Variants in GRM7 observed in about 807,000 individuals in gnomAD.
GRM7 encodes the protein metabotropic glutamate receptor 7.
In GRM7, 35 loss-of-function variants were observed where a neutral mutation model predicts 84.5. That is an observed-to-expected ratio of 0.41 (90% CI 0.32 to 0.55). The LOEUF is 0.55. Among genes scored for constraint, GRM7 ranks in the 20% least tolerant of loss-of-function variants. The pLI is 0.19. For missense variants in GRM7, 1,003 were observed against 1,194.6 expected (o/e 0.84, Z 2.36); for synonymous variants, 487 against 455.1 (o/e 1.07, Z -0.89).
At chr3:7,201,009 G>T (rs746644213) in intron 2 of GRM7, among the ~76,000 whole-genome samples, 4 of 119,006 alleles carry the variant, frequency 3.4e-5, no homozygotes, top group African/African-American at 1.4e-4. Flanking sequence ...TCACTCTGTC[G>T]CCCAGGCTGG....
intron 7 of GRM7, among the ~76,000 whole-genome samples, chr3:7,547,780 C>G (rs1040993440): frequency 6.6e-6 from 1 of 152,168 alleles, no homozygotes; most frequent in Non-Finnish European, 1.5e-5. Flanking sequence ...AGCAAAATAA[C>G]GAAAGCAAAG....
intron 7 of GRM7, among the ~76,000 whole-genome samples, chr3:7,516,428 T>G (rs1177938674): frequency 4.1e-5 from 5 of 120,730 alleles, no homozygotes; most frequent in South Asian, 2.5e-4. Flanking sequence ...AGTGAGCCGA[T>G]ATCGTGCCCC....
chr3:7,090,299 G>C (rs1036684148), intron 1 of GRM7, among the ~76,000 whole-genome samples: 35 of 152,300 alleles, frequency 2.3e-4, no homozygotes, highest in African/African-American at 7.9e-4. Context: ...AGAAAGATTA[G>C]TGTGAAAAAT....
chr3:7,077,144 C>T (rs1390296160), intron 1 of GRM7, among the ~76,000 whole-genome samples: 2 of 152,140 alleles, frequency 1.3e-5, no homozygotes, highest in African/African-American at 4.8e-5. Context: ...ATTAGTTCAT[C>T]CATTGTGGAA....
chr3:7,152,769 C>A (rs1694324147), intron 2 of GRM7, among the ~76,000 whole-genome samples: 2 of 152,144 alleles, frequency 1.3e-5, no homozygotes, highest in Non-Finnish European at 2.9e-5. Context: ...CATCTATTTC[C>A]ATTGATAAAT....
intron 4 of GRM7, among the ~76,000 whole-genome samples, chr3:7,385,762 T>C (rs1694763025): frequency 6.6e-6 from 1 of 152,184 alleles, no homozygotes; most frequent in Non-Finnish European, 1.5e-5. Context: ...TTGCAAGACA[T>C]GAATAAAGAC....
rs533682031 is a variant in GRM7, at chr3:6,978,372, T to A, written c.519+116465T>A. 6.6e-5 allele frequency among the ~76,000 whole-genome samples: 10 copies of A among 152,220 alleles called. 1 individual carries two copies. Among genetic ancestry groups the A allele is most frequent in the South Asian group, 2.1e-4 (1 of 4,820 alleles). On this transcript the variant is annotated intron_variant, in intron 1 of 9. Coordinates refer to ENST00000357716, the MANE Select transcript of GRM7 (RefSeq NM_000844.4). ...ATAAACTTCTAGCTTTTAGACCTAT[T>A]GGAGAACACATCTCTGTTGTCTTCA...
At chr3:7,651,658 A>AAC (rs1247267839) in intron 8 of GRM7, among the ~76,000 whole-genome samples, 1 of 152,196 alleles carries the variant, frequency 6.6e-6, no homozygotes, top group Non-Finnish European at 1.5e-5. Context: ...ACTAAATCTC[A>AAC]ACATTTGGTC....
intron 8 of GRM7, among the ~76,000 whole-genome samples, chr3:7,651,893 C>T (rs865978534): frequency 2.2e-4 from 33 of 152,182 alleles, no homozygotes; most frequent in South Asian, 1.4e-3. Context: ...CCAAGCCTAG[C>T]TGCACACATA....
At chr3:7,720,538 G>A (rs887083548) in intron 9 of GRM7, among the ~76,000 whole-genome samples, 3 of 152,134 alleles carry the variant, frequency 2.0e-5, no homozygotes, top group Non-Finnish European at 4.4e-5. Context: ...CTGCCTAAAA[G>A]GGGGCTCCTC....
intron 4 of GRM7, among the ~76,000 whole-genome samples, chr3:7,362,908 G>T (rs888013429): frequency 1.6e-4 from 24 of 152,072 alleles, no homozygotes; most frequent in Middle Eastern, 3.2e-3. Context: ...TGGAAGGATT[G>T]CTTGAAGCCA....
chr3:7,385,605 A>C (rs1407065494), intron 4 of GRM7, among the ~76,000 whole-genome samples: 3 of 152,166 alleles, frequency 2.0e-5, no homozygotes, highest in Admixed American at 2.0e-4. Flanking sequence ...CGGCCCCTCT[A>C]TGTGGATTTT....
intron 1 of GRM7, among the ~76,000 whole-genome samples, chr3:6,926,466 A>T (rs879719219): frequency 6.6e-6 from 1 of 152,228 alleles, no homozygotes; most frequent in Non-Finnish European, 1.5e-5. Flanking sequence ...CCTGAATGTT[A>T]GCTAAAATGC....
intron 1 of GRM7, among the ~76,000 whole-genome samples, chr3:6,979,298 A>G (rs541355169): frequency 1.8e-4 from 27 of 152,298 alleles, no homozygotes; most frequent in Admixed American, 1.4e-3. Flanking sequence ...AAAATCTTCA[A>G]GGGAAGAAGA....
chr3:7,494,513 G>T (rs958111661), intron 7 of GRM7, among the ~76,000 whole-genome samples: 1 of 152,246 alleles, frequency 6.6e-6, no homozygotes, highest in African/African-American at 2.4e-5. Flanking sequence ...AATTTGGAAA[G>T]TGTCCAGCCA....
chr3:7,558,886 G>T (rs1402077799), intron 7 of GRM7, among the ~76,000 whole-genome samples: 1 of 152,106 alleles, frequency 6.6e-6, no homozygotes, highest in Non-Finnish European at 1.5e-5. Flanking sequence ...CAGTTCTCAA[G>T]AATTGTGTTC....
chr3:7,398,231 A>G (rs757137021), intron 4 of GRM7, among the ~76,000 whole-genome samples: 2 of 152,200 alleles, frequency 1.3e-5, no homozygotes, highest in Non-Finnish European at 2.9e-5. Context: ...AAACATCAGT[A>G]TTCACTGACG....
At chr3:6,957,386 A>G (rs1055428540) in intron 1 of GRM7, among the ~76,000 whole-genome samples, 10 of 152,162 alleles carry the variant, frequency 6.6e-5, no homozygotes, top group South Asian at 4.1e-4. Flanking sequence ...GCATTGCTTC[A>G]TTCCAGAACG....
chr3:7,087,075 A>G (rs1183680501), intron 1 of GRM7, among the ~76,000 whole-genome samples: 1 of 152,226 alleles, frequency 6.6e-6, no homozygotes, highest in Admixed American at 6.5e-5. Context: ...AACAGAAGAA[A>G]GTGAAAAACT....
Sources: allele counts gnomAD v4.1 joint callset (sites outside exome capture counted in the v4.1 genomes callset), GRCh38; gene constraint gnomAD v4.1.1; transcripts MANE v1.5; gene names NCBI Gene and HGNC (gene_info 2026-07-23, HGNC 2026-07-21).